Variants in DNAH9 observed in about 807,000 individuals in gnomAD.
DNAH9 encodes the protein DNAH9 variant protein.
A neutral mutation model predicts 471.6 loss-of-function variants in DNAH9; 345 were observed. The ratio of observed to expected loss-of-function variants is 0.73; its 90% CI spans 0.67 to 0.80. The LOEUF is 0.80. Among genes scored for constraint, DNAH9 ranks in the 30% least tolerant of loss-of-function variants. The probability of loss-of-function intolerance (pLI) is 0.00; values close to 1 mark genes in which losing one functional copy is unlikely to be tolerated. For synonymous variants in DNAH9, 2,093 were observed against 2,123.6 expected (o/e 0.99, Z 0.40); for missense variants, 5,407 against 5,609.2 (o/e 0.96, Z 1.15).
At chr17:11,747,321 G>A (rs1480088851) in intron 31 of DNAH9, among the ~76,000 whole-genome samples, 1 of 152,138 alleles carries the variant, frequency 6.6e-6, no homozygotes, top group Non-Finnish European at 1.5e-5. Context: ...CCCTCGCCTG[G>A]CACACTCTGT....
intron 17 of DNAH9, among the ~76,000 whole-genome samples, chr17:11,673,864 A>G (rs2074009556): frequency 6.6e-6 from 1 of 152,126 alleles, no homozygotes; most frequent in South Asian, 2.1e-4. Context: ...ATGTATATGG[A>G]TATATACACA....
chr17:11,743,345 C>T (rs751929038), intron 30 of DNAH9, among the ~76,000 whole-genome samples: 5 of 152,152 alleles, frequency 3.3e-5, no homozygotes, highest in Non-Finnish European at 5.9e-5. Flanking sequence ...TCATTGCTAC[C>T]ACTTGAGTTC....
intron 68 of DNAH9, among the ~76,000 whole-genome samples, chr17:11,963,007 G>A (rs75102880): frequency 0.011 from 1,639 of 152,172 alleles, 33 homozygotes; most frequent in African/African-American, 0.038. Context: ...GTTAAGTAGT[G>A]CCCCCAAAAA....
chr17:11,766,910 C>A (rs550226559), intron 36 of DNAH9, among the ~76,000 whole-genome samples: 1 of 151,212 alleles, frequency 6.6e-6, no homozygotes, highest in Non-Finnish European at 1.5e-5. Flanking sequence ...CAGAGGTTGC[C>A]GTGAGCTGAG....
At chr17:11,832,223 G>A (rs1156311061) in intron 48 of DNAH9, among the ~76,000 whole-genome samples, 1 of 152,114 alleles carries the variant, frequency 6.6e-6, no homozygotes, top group African/African-American at 2.4e-5. Flanking sequence ...GGACCCTCCT[G>A]TCACTCCATG....
chr17:11,691,153 C>T (rs1206271628), intron 20 of DNAH9, among the ~76,000 whole-genome samples: 1 of 152,162 alleles, frequency 6.6e-6, no homozygotes, highest in Admixed American at 6.6e-5. Context: ...GAAATTAAAG[C>T]ACGTTCTGCC....
At chr17:11,711,611 C>CT (rs1413623102) in intron 26 of DNAH9, among the ~76,000 whole-genome samples, 6 of 151,150 alleles carry the variant, frequency 4.0e-5, no homozygotes, top group South Asian at 2.1e-4. Context: ...TTTCCACTTT[C>CT]TTTTTTTTAG....
chr17:11,609,616 G>T lies in DNAH9; in HGVS notation c.615-780G>T, dbSNP rs150028013. ...TCTGACATAAAAATGTGAATTGTAT[G>T]TCCTCTTTCTTTGTCGTTGTGTCCT... is the stretch of plus-strand genomic sequence containing the variant. On this transcript the variant is annotated intron_variant, in intron 2 of 68. Coordinates refer to ENST00000262442, the MANE Select transcript of DNAH9 (RefSeq NM_001372.4). 1.1e-4 allele frequency among the ~76,000 whole-genome samples: 17 copies of T among 152,288 alleles called. No individual in the cohort carries two copies. In the East Asian group the frequency reaches 2.3e-3, roughly 21 times the overall value.
rs1227038767 is a variant in DNAH9, at chr17:11,783,837, C to A, written c.7821+89C>A. 9.9e-6 allele frequency: 10 copies of A among 1,011,840 alleles called. No individual in the cohort carries two copies. In the African/African-American group the frequency reaches 1.1e-4, roughly 11 times the overall value. The allele number at this position is 1,011,840 out of a possible 1,614,324, so 62.7% of individuals were successfully genotyped here. ...TATAAGTATAATAATTGGCCTTTTTCCCCATGCAGCCTCTCAGAATGGTAA... is the reference window on the plus strand; with the variant it reads ...TATAAGTATAATAATTGGCCTTTTTACCCATGCAGCCTCTCAGAATGGTAA... On this transcript the variant is annotated intron_variant, in intron 40 of 68. Coordinates refer to ENST00000262442, the MANE Select transcript of DNAH9 (RefSeq NM_001372.4).
chr17:11,770,114 C>T (rs946238193), intron 38 of DNAH9, among the ~76,000 whole-genome samples: 1 of 152,162 alleles, frequency 6.6e-6, no homozygotes, highest in African/African-American at 2.4e-5. Flanking sequence ...GCAGTGCCTC[C>T]CCACACCTAG....
intron 53 of DNAH9, among the ~76,000 whole-genome samples, 194 bp downstream of exon 53, chr17:11,875,378 A>C (rs868286941): frequency 7.9e-5 from 12 of 152,128 alleles, no homozygotes; most frequent in African/African-American, 2.9e-4. Flanking sequence ...CTTTTTATCC[A>C]CATGAGAAAT....
intron 8 of DNAH9, among the ~76,000 whole-genome samples, chr17:11,636,093 G>C (rs1156474354): frequency 6.6e-6 from 1 of 151,962 alleles, no homozygotes; most frequent in African/African-American, 2.4e-5. Context: ...TGCAAACTCC[G>C]CCTCCCAGAT....
chr17:11,715,256 G>A (rs2074939252), intron 26 of DNAH9, among the ~76,000 whole-genome samples: 1 of 152,058 alleles, frequency 6.6e-6, no homozygotes, highest in African/African-American at 2.4e-5. Flanking sequence ...AAAGTCTGTC[G>A]GTTTCCTACT....
intron 29 of DNAH9, 21 bp downstream of exon 29, chr17:11,739,058 A>C: frequency 2.0e-6 from 3 of 1,536,420 alleles, no homozygotes; most frequent in Non-Finnish European, 1.8e-6. Context: ...GTTCTGCCCC[A>C]TGCAAAAGCC....
intron 13 of DNAH9, 68 bp downstream of exon 13, chr17:11,651,392 C>G: frequency 6.8e-7 from 1 of 1,465,616 alleles, no homozygotes; most frequent in East Asian, 2.3e-5. Context: ...GTTCATAGAA[C>G]CTCCAATTAT....
At chr17:11,879,343 T>C (rs1295240281) in intron 53 of DNAH9, among the ~76,000 whole-genome samples, 1 of 152,176 alleles carries the variant, frequency 6.6e-6, no homozygotes, top group Non-Finnish European at 1.5e-5. Context: ...TAGTATTAGA[T>C]AATGACTCCC....
intron 24 of DNAH9, among the ~76,000 whole-genome samples, chr17:11,703,288 A>G (rs1290210230): frequency 1.3e-5 from 2 of 152,120 alleles, no homozygotes; most frequent in Non-Finnish European, 2.9e-5. Context: ...CTTCTTTAAT[A>G]AAATCTAATG....
intron 56 of DNAH9, among the ~76,000 whole-genome samples, chr17:11,885,777 T>A (rs1452715248): frequency 6.6e-6 from 1 of 152,336 alleles, no homozygotes; most frequent in African/African-American, 2.4e-5. Flanking sequence ...AGTTTAGTTT[T>A]GTTTTGTTTT....
intron 19 of DNAH9, among the ~76,000 whole-genome samples, chr17:11,684,009 G>A (rs1049556923): frequency 6.6e-6 from 1 of 152,238 alleles, no homozygotes; most frequent in African/African-American, 2.4e-5. Flanking sequence ...TGTGTGGCAT[G>A]TGAGTTTAAA....
Sources: gnomAD v4.1 joint callset for allele counts (sites outside exome capture counted in the v4.1 genomes callset) on GRCh38, gnomAD v4.1.1 for gene constraint, MANE v1.5 for transcripts, NCBI Gene and HGNC (gene_info 2026-07-23, HGNC 2026-07-21) for gene names.